ABCB1: variants seen among roughly 807,000 people sequenced by gnomAD.
ABCB1 encodes ATP-dependent translocase ABCB1.
A neutral mutation model predicts 142.0 loss-of-function variants in ABCB1; 69 were observed. The ratio of observed to expected loss-of-function variants is 0.49; its 90% CI spans 0.40 to 0.59. The LOEUF is 0.59. Among genes scored for constraint, ABCB1 ranks in the 20% least tolerant of loss-of-function variants. The pLI, the probability that ABCB1 is intolerant of heterozygous loss-of-function variation, is 0.00. For synonymous variants in ABCB1, 532 were observed against 539.2 expected, an observed-to-expected ratio of 0.99 and a Z score of 0.18; for missense variants, 1,326 against 1,554.7, an observed-to-expected ratio of 0.85 and a Z score of 2.47.
chr7:87,627,531 T>A (rs1236352117), intron 1 of ABCB1: 1 of 152,274 alleles, frequency 6.6e-6, no homozygotes, highest in Non-Finnish European at 1.5e-5. Context: ...TCTGGGCATA[T>A]TGGTGCAAAG....
At chr7:87,561,860 C>T (rs1390357633) in intron 7 of ABCB1, among the ~76,000 whole-genome samples, 1 of 152,056 alleles carries the variant, frequency 6.6e-6, no homozygotes, top group Middle Eastern at 3.2e-3. Context: ...GTGGCACATG[C>T]CTATTGTCTC....
At chr7:87,533,280 A>C (rs1323718373) in intron 20 of ABCB1, among the ~76,000 whole-genome samples, 1 of 152,100 alleles carries the variant, frequency 6.6e-6, no homozygotes, top group Non-Finnish European at 1.5e-5. Context: ...CTCATTTCCC[A>C]CTGCAGCTAC....
In ABCB1 at chr7:87,549,840, G is replaced by A; in HGVS notation, c.1554+11C>T. 1 of 1,614,002 alleles carries A rather than the reference G, an allele frequency of 6.2e-7. No homozygotes were observed. The highest frequency in any genetic ancestry group is 8.5e-7 in the Non-Finnish European group (1 of 1,179,924). On this transcript the variant is annotated intron_variant, in intron 13 of 27. Coordinates refer to ENST00000622132, the MANE Select transcript of ABCB1 (RefSeq NM_001348946.2). ...GCACCTCTAGAAAGGCAAAGGGCAAGGACAACTTACATGAGGCAGTTTCAT... is the reference window on the plus strand; with the variant it reads ...GCACCTCTAGAAAGGCAAAGGGCAAAGACAACTTACATGAGGCAGTTTCAT...
intron 1 of ABCB1, chr7:87,659,228 G>A: frequency 4.7e-6 from 2 of 427,872 alleles, no homozygotes; most frequent in South Asian, 1.7e-5. Flanking sequence ...AAGAATATGG[G>A]TAAATACATT....
rs143322238 is a variant in ABCB1 at position 87,606,533 on chromosome 7, G to A, written c.-330-5455C>T. ...CTGAATACTTAACCACATATATATG[G>A]ATGAATTAATTATTATACATCCTCT... is the stretch of plus-strand genomic sequence containing the variant. On this transcript the variant is annotated intron_variant, in intron 1 of 28. Coordinates refer to the ABCB1 transcript ENST00000265724. Among the ~76,000 whole-genome samples, 72 of 152,072 alleles carry A rather than the reference G, an allele frequency of 4.7e-4. 1 individual carries two copies. Among genetic ancestry groups the A allele is most frequent in the African/African-American group, 1.7e-3 (70 of 41,492 alleles).
chr7:87,629,270 T>A, intron 1 of ABCB1: 1 of 258,066 alleles, frequency 3.9e-6, no homozygotes, highest in Non-Finnish European at 7.3e-6. Flanking sequence ...CTCTTTCATT[T>A]AATGCCCATT....
At chr7:87,569,148 C>T (rs1817924857) in intron 5 of ABCB1, among the ~76,000 whole-genome samples, 1 of 151,948 alleles carries the variant, frequency 6.6e-6, no homozygotes, top group African/African-American at 2.4e-5. Context: ...GCCTGGGTAA[C>T]ATGGTGAAAC....
intron 2 of ABCB1, among the ~76,000 whole-genome samples, chr7:87,597,650 T>C (rs1328525526): frequency 1.3e-5 from 2 of 152,068 alleles, no homozygotes; most frequent in Non-Finnish European, 1.5e-5. Context: ...TTTTCAAAAA[T>C]ACAAAGTTAA....
chr7:87,520,892 C>T lies in ABCB1; in HGVS notation c.2686-16G>A, dbSNP rs201070349. ...CAGTAGCGATCTGTAACAGACAGCA[C>T]CGATCACCAAGAGGCACAAGAGTAA... On this transcript the variant is annotated splice_polypyrimidine_tract_variant and intron_variant, in intron 21 of 27. Transcript: ENST00000622132. 13 of 1,596,886 alleles carry T rather than the reference C, an allele frequency of 8.1e-6. No individual in the cohort carries two copies. Among genetic ancestry groups the T allele is most frequent in the Non-Finnish European group, 1.1e-5 (13 of 1,164,592 alleles).
chr7:87,551,840 GT>G (rs201203910), intron 9 of ABCB1, among the ~76,000 whole-genome samples: 51 of 149,876 alleles, frequency 3.4e-4, no homozygotes, highest in African/African-American at 1.0e-3. Context: ...TCAATGTCTA[GT>G]TTTTTTTTTA....
Position 87,520,817 on chromosome 7 carries a change from C to T in ABCB1, c.2745G>A (p.Lys915=). 2 of 1,613,982 alleles carry T rather than the reference C, an allele frequency of 1.2e-6. No individual in the cohort carries two copies. Among genetic ancestry groups the T allele is most frequent in the Non-Finnish European group, 1.7e-6 (2 of 1,179,898 alleles). Residue 915 remains lysine, a synonymous_variant, in exon 22 of 28, where the codon AAG becomes AAA. Transcript: ENST00000622132. ...RTVVSLTQEQ[K]FEHMYAQSLQ... The stretch of plus-strand genomic sequence containing the variant: ...AACTCTGAGCATACATATGTTCAAA[C>T]TTCTGCTCCTGAGTCAAAGAAACAA...
chr7:87,664,458 G>T (rs1233321705), intron 1 of ABCB1, among the ~76,000 whole-genome samples: 1 of 152,122 alleles, frequency 6.6e-6, no homozygotes, highest in Non-Finnish European at 1.5e-5. Context: ...CCAGATGTTG[G>T]AATAATCAGG....
intron 1 of ABCB1, among the ~76,000 whole-genome samples, chr7:87,703,912 T>TTTTC (rs1829338933): frequency 1.6e-5 from 1 of 62,748 alleles, no homozygotes; most frequent in Admixed American, 2.0e-4. Context: ...TTTTTTTTTT[T>TTTTC]GGTTTTTTTT....
intron 1 of ABCB1, among the ~76,000 whole-genome samples, chr7:87,621,276 C>T (rs55746263): frequency 0.044 from 6,760 of 152,082 alleles, 169 homozygotes; most frequent in African/African-American, 0.071. Flanking sequence ...GGCTTTGCCA[C>T]TTATTAGATT....
intron 1 of ABCB1, among the ~76,000 whole-genome samples, chr7:87,620,011 G>A (rs1278086965): frequency 6.6e-6 from 1 of 152,012 alleles, no homozygotes; most frequent in African/African-American, 2.4e-5. Flanking sequence ...GTGGATTATT[G>A]AGGGAACATT....
intron 1 of ABCB1, among the ~76,000 whole-genome samples, chr7:87,625,285 C>G (rs1322105699): frequency 4.0e-5 from 6 of 151,688 alleles, no homozygotes; most frequent in African/African-American, 1.5e-4. Flanking sequence ...AGAAAAATAA[C>G]ACGATTACCT....
rs779491096 is a variant in ABCB1 at position 87,626,752 on chromosome 7, C to CAT, written c.-330-25676_-330-25675dup. 2.5e-3 allele frequency among the ~76,000 whole-genome samples: 123 copies of CAT among 48,972 alleles called. 13 individuals carry two copies. The highest frequency in any genetic ancestry group is 7.2e-3 in the South Asian group (4 of 552). 32.1% of individuals were successfully genotyped at this position (48,972 alleles called of 152,430 possible). A position where few individuals can be genotyped will look rare whatever the true frequency, so the allele number is the denominator to read the frequency against. On this transcript the variant is annotated intron_variant, in intron 1 of 28. Coordinates refer to the ABCB1 transcript ENST00000265724. Reference sequence around the variant, plus strand: ...TCATATATATGTGTCATATATATGTCATATATATGTCATATATATGTCAGA... The same window carrying CAT: ...TCATATATATGTGTCATATATATGTCATATATATATGTCATATATATGTCAGA...
chr7:87,518,442 C>G (rs1815345096), intron 23 of ABCB1, among the ~76,000 whole-genome samples: 1 of 152,150 alleles, frequency 6.6e-6, no homozygotes, highest in African/African-American at 2.4e-5. Context: ...GTTTTGATCT[C>G]TAGGCCATAA....
intron 1 of ABCB1, among the ~76,000 whole-genome samples, chr7:87,663,018 G>A (rs1451890781): frequency 6.6e-6 from 1 of 151,870 alleles, no homozygotes; most frequent in Non-Finnish European, 1.5e-5. Context: ...ATAAATAATA[G>A]TACTTGATTT....
Sources: allele counts gnomAD v4.1 joint callset (sites outside exome capture counted in the v4.1 genomes callset), GRCh38; gene constraint gnomAD v4.1.1; transcripts MANE v1.5; gene names NCBI Gene and HGNC (gene_info 2026-07-23, HGNC 2026-07-21).